The following PASD1 variants were observed in gnomAD, a reference collection of about 807,000 sequenced individuals.
PASD1 encodes the protein PAS domain containing repressor 1, also known as circadian clock protein PASD1.
Under a neutral mutation model 58.8 loss-of-function variants are expected in PASD1, and 13 were observed. The ratio of observed to expected loss-of-function variants is 0.22; its 90% CI spans 0.14 to 0.35. PASD1 has a LOEUF of 0.35. Ranked by LOEUF, PASD1 falls within the 10% of genes least tolerant of loss-of-function variation. The pLI is 1.00. For missense variants in PASD1, 734 were observed against 568.3 expected, an observed-to-expected ratio of 1.29 and a Z score of -2.96; for synonymous variants, 236 against 216.7, an observed-to-expected ratio of 1.09 and a Z score of -0.78.
intron 3 of PASD1, among the ~76,000 whole-genome samples, chrX:151,609,001 T>C (rs1461307871): frequency 8.9e-6 from 1 of 111,952 alleles, no homozygotes; most frequent in Non-Finnish European, 1.9e-5. Flanking sequence ...GAATTGACTT[T>C]TAACATTCTT....
intron 10 of PASD1, among the ~76,000 whole-genome samples, chrX:151,663,134 T>C (rs1439136625): frequency 1.8e-5 from 2 of 112,079 alleles, no homozygotes; most frequent in Non-Finnish European, 3.8e-5. Context: ...TTGAGAGTCA[T>C]GTATCCATCA....
intron 11 of PASD1, among the ~76,000 whole-genome samples, chrX:151,666,070 C>T (rs111733697): frequency 0.027 from 2,914 of 109,947 alleles, 92 homozygotes; most frequent in African/African-American, 0.091. Flanking sequence ...CTCTCTCTCT[C>T]TCAACTCATC....
chrX:151,570,852 G>A (rs1384295901), intron 1 of PASD1, among the ~76,000 whole-genome samples: 1 of 112,254 alleles, frequency 8.9e-6, no homozygotes, highest in Non-Finnish European at 1.9e-5. Flanking sequence ...CTTTTACTGT[G>A]GATTGTCAGC....
chrX:151,589,120 C>T (rs1247282160), intron 1 of PASD1, among the ~76,000 whole-genome samples: 2 of 111,765 alleles, frequency 1.8e-5, no homozygotes, highest in African/African-American at 6.5e-5. Context: ...ACCCCCTTTC[C>T]CCATTCCTAC....
At chrX:151,577,603 A>T (rs1373413500) in intron 1 of PASD1, among the ~76,000 whole-genome samples, 1 of 111,574 alleles carries the variant, frequency 9.0e-6, no homozygotes, top group Non-Finnish European at 1.9e-5. Context: ...CGACTCACCA[A>T]AACCTCCACC....
At chrX:151,648,224 C>G (rs111227365) in intron 8 of PASD1, among the ~76,000 whole-genome samples, 3 of 110,016 alleles carry the variant, frequency 2.7e-5, no homozygotes, top group African/African-American at 6.6e-5. Flanking sequence ...TAATGAGCCC[C>G]GAGAATGGAG....
chrX:151,635,916 G>A (rs1453467790), intron 8 of PASD1, among the ~76,000 whole-genome samples: 3 of 111,434 alleles, frequency 2.7e-5, no homozygotes, highest in Non-Finnish European at 5.7e-5. Flanking sequence ...GGTAATGCTT[G>A]CATATTTTAA....
chrX:151,675,363 T>G (rs2014531632), intron 15 of PASD1, among the ~76,000 whole-genome samples: 1 of 111,806 alleles, frequency 8.9e-6, no homozygotes, highest in Admixed American at 9.4e-5. Context: ...CCTTTCTGCC[T>G]GCAGGTCCCC....
intron 1 of PASD1, among the ~76,000 whole-genome samples, chrX:151,599,934 A>G (rs368825406): frequency 6.3e-4 from 70 of 111,721 alleles, no homozygotes; most frequent in African/African-American, 2.2e-3. Context: ...TGGAGGTTGT[A>G]GCGAGCCGAG....
intron 4 of PASD1, among the ~76,000 whole-genome samples, chrX:151,618,239 CCAGTT>C (rs1242270036): frequency 3.3e-4 from 37 of 111,312 alleles, no homozygotes; most frequent in African/African-American, 1.2e-3. Context: ...TGATCATTGA[CCAGTT>C]CATAGGCTGG....
At chrX:151,670,890 T>C (rs1602968478) in intron 11 of PASD1, 148 bp from the exon 12 acceptor site, 2 of 657,982 alleles carry the variant, frequency 3.0e-6, no homozygotes, top group East Asian at 6.9e-5. Flanking sequence ...AACCATTTTT[T>C]CAAACTTTCT....
rs1286413557 is a variant in PASD1, at chrX:151,601,181, A to T, written c.-27-346A>T. Among the ~76,000 whole-genome samples the T allele has an allele frequency of 2.7e-5, 3 of 112,682 alleles. No homozygotes were observed. In the Admixed American group the frequency reaches 2.8e-4, roughly 11 times the overall value. On this transcript the variant is annotated intron_variant, in intron 1 of 15. Coordinates refer to ENST00000370357, the MANE Select transcript of PASD1 (RefSeq NM_173493.3). Reference sequence around the variant, plus strand: ...AAGTTAAATGAATTTAAGGGTATGGAATTAAAACACAAATTAAGGGTATGG... The same window carrying T: ...AAGTTAAATGAATTTAAGGGTATGGTATTAAAACACAAATTAAGGGTATGG...
In PASD1 at chrX:151,675,903, T is replaced by C; in HGVS notation, c.2176-94T>C. On this transcript the variant is annotated intron_variant, in intron 15 of 15. Coordinates refer to ENST00000370357, the MANE Select transcript of PASD1 (RefSeq NM_173493.3). The stretch of plus-strand genomic sequence containing the variant: ...TTCCAAAGAAGTATTTCTCAGCAGC[T>C]TGTGTATTTGAACTAAAGGATTCCT... 4 of 926,162 alleles carry C rather than the reference T, an allele frequency of 4.3e-6. No homozygotes were observed. In the South Asian group the frequency reaches 9.2e-5, roughly 21 times the overall value. 76.3% of individuals were successfully genotyped at this position (926,162 alleles called of 1,213,427 possible).
At chrX:151,610,698 C>T (rs35384904) in intron 3 of PASD1, among the ~76,000 whole-genome samples, 41,168 of 109,974 alleles carry the variant, frequency 0.37, 5,799 homozygotes, top group African/African-American at 0.41. Context: ...TTTTATTAGA[C>T]ATATGGGGTC....
chrX:151,567,086 AAAT>A (rs1407181508), intron 1 of PASD1, among the ~76,000 whole-genome samples: 21 of 107,797 alleles, frequency 1.9e-4, no homozygotes, highest in East Asian at 1.1e-3. Context: ...ATAAATAAAT[AAAT>A]AAATAAAATA....
intron 9 of PASD1, among the ~76,000 whole-genome samples, chrX:151,651,461 C>T (rs937489451): frequency 4.5e-5 from 5 of 111,702 alleles, no homozygotes; most frequent in African/African-American, 1.6e-4. Context: ...AAGCAGCTGT[C>T]TTTGAGCATG....
intron 1 of PASD1, among the ~76,000 whole-genome samples, chrX:151,600,213 A>G (rs891160432): frequency 9.1e-6 from 1 of 110,108 alleles, no homozygotes; most frequent in Non-Finnish European, 1.9e-5. Context: ...AGATGGTGGC[A>G]GTACAGTCCA....
chrX:151,581,092 G>A (rs1024289631), intron 1 of PASD1, among the ~76,000 whole-genome samples: 1 of 109,097 alleles, frequency 9.2e-6, no homozygotes, highest in Non-Finnish European at 1.9e-5. Context: ...GCTGGGTGTG[G>A]TGGCACATGC....
At chrX:151,589,290 A>G (rs1032670391) in intron 1 of PASD1, among the ~76,000 whole-genome samples, 10 of 111,346 alleles carry the variant, frequency 9.0e-5, no homozygotes, top group Admixed American at 6.7e-4. Context: ...GCACTTATTC[A>G]TGACATGTTA....
Sources: gnomAD v4.1 joint callset for allele counts (sites outside exome capture counted in the v4.1 genomes callset) on GRCh38, gnomAD v4.1.1 for gene constraint, MANE v1.5 for transcripts, NCBI Gene and HGNC (gene_info 2026-07-23, HGNC 2026-07-21) for gene names.